Variants in FSTL5 observed in about 807,000 individuals in gnomAD.
FSTL5 encodes follistatin like 5.
FSTL5 carries 62 observed loss-of-function variants against 89.1 expected under a neutral mutation model. The observed-to-expected ratio is 0.70, with a 90% confidence interval of 0.57 to 0.86. The LOEUF is 0.86. Among genes scored for constraint, FSTL5 ranks in the 40% least tolerant of loss-of-function variants. The pLI is 0.00. For synonymous variants in FSTL5, 383 were observed against 346.2 expected, an observed-to-expected ratio of 1.11 and a Z score of -1.18; for missense variants, 1,057 against 1,001.6, an observed-to-expected ratio of 1.06 and a Z score of -0.75.
At chr4:161,410,452 C>A (rs2110933815) in intron 15 of FSTL5, among the ~76,000 whole-genome samples, 1 of 152,234 alleles carries the variant, frequency 6.6e-6, no homozygotes, top group African/African-American at 2.4e-5. Flanking sequence ...GGAACATATT[C>A]TAAGATCAAC....
At chr4:161,513,947 A>G (rs773972341) in intron 10 of FSTL5, among the ~76,000 whole-genome samples, 8 of 152,168 alleles carry the variant, frequency 5.3e-5, no homozygotes, top group African/African-American at 1.9e-4. Flanking sequence ...ACATTTACCT[A>G]TGTAACAAAT....
At chr4:161,515,476 G>A (rs745358278) in intron 10 of FSTL5, among the ~76,000 whole-genome samples, 1 of 151,638 alleles carries the variant, frequency 6.6e-6, no homozygotes, top group Non-Finnish European at 1.5e-5. Flanking sequence ...CAGAGTGCTG[G>A]GATTACAAGC....
intron 3 of FSTL5, among the ~76,000 whole-genome samples, chr4:161,993,363 A>G (rs1180706706): frequency 6.6e-6 from 1 of 152,118 alleles, no homozygotes; most frequent in Non-Finnish European, 1.5e-5. Flanking sequence ...TATGAGAAAT[A>G]TAATAAGGGC....
At chr4:161,412,569 C>A (rs748953038) in intron 15 of FSTL5, among the ~76,000 whole-genome samples, 3 of 152,010 alleles carry the variant, frequency 2.0e-5, no homozygotes, top group Non-Finnish European at 2.9e-5. Context: ...TTAATGGGTG[C>A]AGCAAACCAA....
chr4:161,794,772 C>A (rs557211947), intron 4 of FSTL5, among the ~76,000 whole-genome samples: 1 of 152,238 alleles, frequency 6.6e-6, no homozygotes, highest in African/African-American at 2.4e-5. Flanking sequence ...CTATTACCTG[C>A]AGTTTCTTGA....
chr4:161,719,588 A>T (rs1025354745), intron 6 of FSTL5, among the ~76,000 whole-genome samples: 1 of 152,176 alleles, frequency 6.6e-6, no homozygotes, highest in Non-Finnish European at 1.5e-5. Flanking sequence ...TATTTTAACA[A>T]TATTGATTCT....
At chr4:161,809,136 G>A (rs1033587186) in intron 4 of FSTL5, among the ~76,000 whole-genome samples, 7 of 152,188 alleles carry the variant, frequency 4.6e-5, no homozygotes, top group East Asian at 3.9e-4. Context: ...GGAGAATGGC[G>A]TGAACCCGGG....
chr4:161,480,651 G>T (rs1037656550), intron 13 of FSTL5, among the ~76,000 whole-genome samples: 4 of 152,106 alleles, frequency 2.6e-5, no homozygotes, highest in Non-Finnish European at 4.4e-5. Context: ...AAAATAAGGA[G>T]ACCTCAATTC....
chr4:161,748,610 T>G (rs1203823813), intron 6 of FSTL5, among the ~76,000 whole-genome samples: 1 of 127,044 alleles, frequency 7.9e-6, no homozygotes, highest in Admixed American at 7.4e-5. Flanking sequence ...AAGCACGTTT[T>G]TTTTTTTTTT....
chr4:162,076,745 T>C (rs974478564), intron 2 of FSTL5, among the ~76,000 whole-genome samples: 1 of 151,790 alleles, frequency 6.6e-6, no homozygotes, highest in East Asian at 2.0e-4. Flanking sequence ...AAGGGCTTCA[T>C]ATGCTCAGAT....
At chr4:162,038,939 A>T (rs1578974588) in intron 2 of FSTL5, among the ~76,000 whole-genome samples, 1 of 151,964 alleles carries the variant, frequency 6.6e-6, no homozygotes, top group African/African-American at 2.4e-5. Flanking sequence ...CTATAAGCTT[A>T]AACTATTTTA....
intron 6 of FSTL5, among the ~76,000 whole-genome samples, chr4:161,727,089 A>C (rs1341772207): frequency 2.0e-5 from 3 of 152,170 alleles, no homozygotes; most frequent in Admixed American, 6.6e-5. Context: ...GCATCTGCTG[A>C]TGATGATACT....
intron 2 of FSTL5, among the ~76,000 whole-genome samples, chr4:162,091,571 A>C (rs1730551115): frequency 6.6e-6 from 1 of 152,148 alleles, no homozygotes; most frequent in Non-Finnish European, 1.5e-5. Context: ...CATATGATCC[A>C]AACATTCTCT....
chr4:161,527,394 A>G (rs1035011994), intron 10 of FSTL5, among the ~76,000 whole-genome samples: 1 of 152,190 alleles, frequency 6.6e-6, no homozygotes, highest in Non-Finnish European at 1.5e-5. Context: ...CAACCTACTC[A>G]TCTGACAAAG....
At chr4:161,632,992 G>T (rs868587281) in intron 7 of FSTL5, among the ~76,000 whole-genome samples, 1 of 151,910 alleles carries the variant, frequency 6.6e-6, no homozygotes, top group Admixed American at 6.6e-5. Flanking sequence ...AAGGCAAGTG[G>T]CTAGAATGGA....
At chr4:161,820,936 G>A (rs1167939448) in intron 4 of FSTL5, among the ~76,000 whole-genome samples, 1 of 81,216 alleles carries the variant, frequency 1.2e-5, no homozygotes, top group African/African-American at 4.0e-5. Flanking sequence ...TTCAAAGATT[G>A]GTTGTCCAAA....
chr4:161,562,178 TTCTATTGA>T (rs1171068333), intron 8 of FSTL5, among the ~76,000 whole-genome samples: 3 of 152,040 alleles, frequency 2.0e-5, no homozygotes, highest in Non-Finnish European at 4.4e-5. Flanking sequence ...TTCAGTTTTG[TTCTATTGA>T]TCTATGTCTA....
At chr4:161,950,576 T>C (rs1734865204) in intron 3 of FSTL5, among the ~76,000 whole-genome samples, 1 of 152,186 alleles carries the variant, frequency 6.6e-6, no homozygotes, top group African/African-American at 2.4e-5. Context: ...TCAGGCCTCC[T>C]GTTTCCTAGG....
At chr4:161,686,412 G>A (rs1737748657) in intron 6 of FSTL5, among the ~76,000 whole-genome samples, 1 of 125,866 alleles carries the variant, frequency 7.9e-6, no homozygotes, top group African/African-American at 3.1e-5. Flanking sequence ...AGGCTGGAGT[G>A]CAGTGGCGCA....
Sources: gnomAD v4.1 joint callset for allele counts (sites outside exome capture counted in the v4.1 genomes callset) on GRCh38, gnomAD v4.1.1 for gene constraint, MANE v1.5 for transcripts, NCBI Gene and HGNC (gene_info 2026-07-23, HGNC 2026-07-21) for gene names.